The following PLAGL1 variants were observed in gnomAD, a reference collection of about 807,000 sequenced individuals.
PLAGL1 encodes the protein PLAG1 like zinc finger 1.
A neutral mutation model predicts 4.6 loss-of-function variants in PLAGL1; 1 was observed. The observed-to-expected ratio is 0.22, with a 90% CI of 0.08 to 1.03. The LOEUF is 1.03. PLAGL1 is among the 50% of genes least tolerant of loss of function. PLAGL1 has a pLI of 0.58. For synonymous variants in PLAGL1, 240 were observed against 237.8 expected (o/e 1.01, Z -0.08); for missense variants, 464 against 570.4 (o/e 0.81, Z 1.90).
rs937360649 is a variant in PLAGL1 at position 143,945,732 on chromosome 6, C to A, written c.152+2253G>T. On this transcript the variant is annotated intron_variant, in intron 7 of 7. Coordinates refer to ENST00000674357, the MANE Select transcript of PLAGL1 (RefSeq NM_001317162.2). The surrounding 1 kb of genome is among the most constrained non-coding windows in gnomAD (Gnocchi z 4.2). ...CCTCATGATCCACCCACCTCGGCCT[C>A]CCAAAGTGCTGGGATTACAGGCATC... is the stretch of plus-strand genomic sequence containing the variant. Among the ~76,000 whole-genome samples, 2 of 152,204 alleles carry A rather than the reference C, an allele frequency of 1.3e-5. No individual in the cohort carries two copies. Among genetic ancestry groups the A allele is most frequent in the Non-Finnish European group, 2.9e-5 (2 of 68,038 alleles).
chr6:143,987,865 C>T (rs532097753), intron 1 of PLAGL1, among the ~76,000 whole-genome samples: 12 of 152,258 alleles, frequency 7.9e-5, no homozygotes, highest in African/African-American at 2.6e-4. Flanking sequence ...TAGATGTCAA[C>T]GTTCTAAGAA....
intron 2 of PLAGL1, among the ~76,000 whole-genome samples, chr6:143,980,241 T>A (rs1787617256): frequency 6.6e-6 from 1 of 152,140 alleles, no homozygotes; most frequent in Non-Finnish European, 1.5e-5. Context: ...GATTTGTGGA[T>A]TTATTGTTTT....
rs544344693 is a variant in PLAGL1, at chr6:143,985,977, T to A, written c.-583-803A>T. 1.3e-5 allele frequency among the ~76,000 whole-genome samples: 1 copy of A among 76,258 alleles called. No homozygotes were observed. The highest frequency in any genetic ancestry group is 3.0e-5 in the Non-Finnish European group (1 of 33,100). The allele number at this position is 76,258 out of a possible 152,430, so 50.0% of individuals were successfully genotyped here. A position where few individuals can be genotyped will look rare whatever the true frequency, so the allele number is the denominator to read the frequency against. ...ACATATATATCAAATTATATATATA[T>A]AAAATTATATATATATATATATATA... On this transcript the variant is annotated intron_variant, in intron 1 of 7. Transcript: ENST00000674357. The surrounding 1 kb of genome is among the most constrained non-coding windows in gnomAD (Gnocchi z 4.4).
intron 1 of PLAGL1, among the ~76,000 whole-genome samples, chr6:144,017,239 C>T (rs1286682418): frequency 6.6e-6 from 1 of 152,142 alleles, no homozygotes; most frequent in Non-Finnish European, 1.5e-5. Context: ...CAAACTACCT[C>T]TTGCTGGTCT....
chr6:144,001,103 T>G (rs1792758631), intron 1 of PLAGL1, among the ~76,000 whole-genome samples: 1 of 151,938 alleles, frequency 6.6e-6, no homozygotes, highest in Non-Finnish European at 1.5e-5. Context: ...AATGGCTGAT[T>G]CTAAGGTTGG....
Position 143,947,388 on chromosome 6 carries a change from T to C in PLAGL1, c.152+597A>G, listed in dbSNP as rs1480049909. Among the ~76,000 whole-genome samples the C allele has an allele frequency of 1.3e-5, 2 of 152,254 alleles. No homozygotes were observed. Among genetic ancestry groups the C allele is most frequent in the Non-Finnish European group, 2.9e-5 (2 of 68,044 alleles). ...TATTATCTGAGTCCTCTTTCTAGGA[T>C]ACTAAACGAATCATATTTCTTCACT... is the stretch of plus-strand genomic sequence containing the variant. On this transcript the variant is annotated intron_variant, in intron 7 of 7. Transcript: ENST00000674357. This position sits in a 1 kb window ranked among gnomAD's most constrained non-coding sequence, Gnocchi z 4.3.
At position 143,941,398 on chromosome 6, in the gene PLAGL1, T is replaced by C; in HGVS notation, c.*26A>G. 1.4e-6 allele frequency: 2 copies of C among 1,478,396 alleles called. No homozygotes were observed. The highest frequency in any genetic ancestry group is 1.8e-6 in the Non-Finnish European group (2 of 1,109,408). The allele number at this position is 1,478,396 out of a possible 1,614,324, so 91.6% of individuals were successfully genotyped here. On this transcript the variant is annotated 3_prime_UTR_variant, in exon 8 of 8. Transcript: ENST00000674357. This position sits in a 1 kb window ranked among gnomAD's most constrained non-coding sequence, Gnocchi z 6.0. The stretch of plus-strand genomic sequence containing the variant: ...ATGCTTCTTAAAACATCTTCCAGAA[T>C]ACGAAAAATACACTTTAAAAATCAA...
chr6:143,956,997 C>T (rs922101834), intron 6 of PLAGL1, among the ~76,000 whole-genome samples: 4 of 152,220 alleles, frequency 2.6e-5, no homozygotes, highest in African/African-American at 7.2e-5. Flanking sequence ...AGGATCCCCA[C>T]GAAAGGGCCA....
At chr6:143,991,117 T>C (rs1172321115) in intron 1 of PLAGL1, among the ~76,000 whole-genome samples, 1 of 152,230 alleles carries the variant, frequency 6.6e-6, no homozygotes, top group South Asian at 2.1e-4. Context: ...GATGTGACAT[T>C]GTCCCATTAT....
At position 144,018,889 on chromosome 6, in the gene PLAGL1, C is replaced by T. The variant is rs181277547; in HGVS notation, c.-151+45579G>A. On this transcript the variant is annotated intron_variant, in intron 1 of 3. Transcript: ENST00000437412. ...AAAGTCGAGGGACATTAATAAAGAGCGAGGCATAGTGGCTCATGCCTGTAA... is the reference window on the plus strand; with the variant it reads ...AAAGTCGAGGGACATTAATAAAGAGTGAGGCATAGTGGCTCATGCCTGTAA... Among the ~76,000 whole-genome samples the T allele has an allele frequency of 6.4e-4, 97 of 152,188 alleles. 1 individual carries two copies. Among genetic ancestry groups the T allele is most frequent in the Non-Finnish European group, 1.2e-3 (82 of 68,010 alleles).
In PLAGL1 at chr6:143,941,414, TAAAAATC is replaced by T; in HGVS notation, c.*3_*9del. 6.7e-7 allele frequency: 1 copy of T among 1,492,828 alleles called. No homozygotes were observed. The highest frequency in any genetic ancestry group is 8.9e-7 in the Non-Finnish European group (1 of 1,120,896). The allele number at this position is 1,492,828 out of a possible 1,614,324, so 92.5% of individuals were successfully genotyped here. ...CTTCCAGAATACGAAAAATACACTTTAAAAATCAATTATCTGAATGCATGATGGAAAT... is the reference window on the plus strand; with the variant it reads ...CTTCCAGAATACGAAAAATACACTTTAATTATCTGAATGCATGATGGAAAT... On this transcript the variant is annotated 3_prime_UTR_variant, in exon 8 of 8. Coordinates refer to ENST00000674357, the MANE Select transcript of PLAGL1 (RefSeq NM_001317162.2). This position sits in a 1 kb window ranked among gnomAD's most constrained non-coding sequence, Gnocchi z 6.0.
intron 1 of PLAGL1, among the ~76,000 whole-genome samples, chr6:144,058,019 T>C (rs538910364): frequency 5.9e-5 from 9 of 152,298 alleles, no homozygotes; most frequent in Admixed American, 5.9e-4. Flanking sequence ...ATTTCCAAAA[T>C]ATCATTTGTG....
At chr6:144,010,148 G>A (rs867729232), upstream of PLAGL1, among the ~76,000 whole-genome samples, 21 of 152,276 alleles carry the variant, frequency 1.4e-4, no homozygotes, top group Admixed American at 2.6e-4. This position sits in a 1 kb window ranked among gnomAD's most constrained non-coding sequence, Gnocchi z 4.1. Flanking sequence ...GCGTAAAAGC[G>A]TTCCTATTTC....
Position 143,942,326 on chromosome 6 carries a change from A to G in PLAGL1, c.490T>C (p.Cys164Arg). The G allele has an allele frequency of 2.5e-6, 4 of 1,613,858 alleles. No individual in the cohort carries two copies. The highest frequency in any genetic ancestry group is 8.5e-7 in the Non-Finnish European group (1 of 1,179,932). ...CGCACATCCTTCCGGGTGTAGAAGCATCTTTCACAGTGGTCGCACTGGTGC... is the reference window on the plus strand; with the variant it reads ...CGCACATCCTTCCGGGTGTAGAAGCGTCTTTCACAGTGGTCGCACTGGTGC... ...KKHQCDHCER[C>R]FYTRKDVRRH... is the part of the protein sequence containing the mutation. Residue 164 changes from cysteine (C) to arginine (R), a missense_variant, in exon 8 of 8, where the codon TGC becomes CGC. By Grantham distance (180) the Cys-to-Arg change is radical. Coordinates refer to ENST00000674357, the MANE Select transcript of PLAGL1 (RefSeq NM_001317162.2). The surrounding 1 kb of genome is among the most constrained non-coding windows in gnomAD (Gnocchi z 7.6).
intron 1 of PLAGL1, among the ~76,000 whole-genome samples, chr6:144,054,572 G>A (rs1432789982): frequency 1.3e-5 from 2 of 152,096 alleles, no homozygotes; most frequent in African/African-American, 4.8e-5. Context: ...CAGAGAGAGG[G>A]CAACAACACA....
chr6:143,999,698 T>C (rs1792416293), intron 1 of PLAGL1, among the ~76,000 whole-genome samples: 1 of 152,146 alleles, frequency 6.6e-6, no homozygotes, highest in African/African-American at 2.4e-5. Context: ...CTCATGAATA[T>C]TACATGAAAA....
At chr6:144,052,779 T>C (rs1395941114) in intron 1 of PLAGL1, among the ~76,000 whole-genome samples, 3 of 152,184 alleles carry the variant, frequency 2.0e-5, no homozygotes, top group Non-Finnish European at 4.4e-5. Flanking sequence ...ACTGATTTTC[T>C]GTATTTTTCC....
intron 1 of PLAGL1, among the ~76,000 whole-genome samples, chr6:144,021,782 G>A (rs562544911): frequency 1.3e-5 from 2 of 152,196 alleles, no homozygotes; most frequent in African/African-American, 2.4e-5. Flanking sequence ...GGACCATACA[G>A]TTCTTTTCCT....
At position 143,983,317 on chromosome 6, in the gene PLAGL1, A is replaced by T. The variant is rs1788346056; in HGVS notation, c.-544+1818T>A. On this transcript the variant is annotated intron_variant, in intron 2 of 7. Coordinates refer to ENST00000674357, the MANE Select transcript of PLAGL1 (RefSeq NM_001317162.2). This position sits in a 1 kb window ranked among gnomAD's most constrained non-coding sequence, Gnocchi z 6.6. ...GAACTTTGGTGGAATGCCCAGACAGAACTGAGAAATTGTGTAAAAGGAAGC... is the reference window on the plus strand; with the variant it reads ...GAACTTTGGTGGAATGCCCAGACAGTACTGAGAAATTGTGTAAAAGGAAGC... Among the ~76,000 whole-genome samples, 1 of 152,176 alleles carries T rather than the reference A, an allele frequency of 6.6e-6. No homozygotes were observed. Among genetic ancestry groups the T allele is most frequent in the Non-Finnish European group, 1.5e-5 (1 of 68,016 alleles).
Sources: allele counts gnomAD v4.1 joint callset (sites outside exome capture counted in the v4.1 genomes callset), GRCh38; gene constraint gnomAD v4.1.1; non-coding constraint Gnocchi (gnomAD v3.1); transcripts MANE v1.5; gene names NCBI Gene and HGNC (gene_info 2026-07-23, HGNC 2026-07-21).